The following SULF2 variants were observed in gnomAD, a reference collection of about 807,000 sequenced individuals.
SULF2 encodes extracellular sulfatase Sulf-2.
A neutral mutation model predicts 107.7 loss-of-function variants in SULF2; 52 were observed. The observed-to-expected ratio is 0.48, with a 90% CI of 0.39 to 0.61. SULF2 has a LOEUF of 0.61. Among genes scored for constraint, SULF2 ranks in the 20% least tolerant of loss-of-function variants. The probability of loss-of-function intolerance (pLI) is 0.00; values close to 1 mark genes in which losing one functional copy is unlikely to be tolerated. For missense variants in SULF2, 993 were observed against 1,177.3 expected (o/e 0.84, Z 2.29); for synonymous variants, 460 against 464.3 (o/e 0.99, Z 0.12).
chr20:47,684,719 A>G (rs2087942665), intron 5 of SULF2, 138 bp from the exon 6 acceptor site: 3 of 778,590 alleles, frequency 3.9e-6, no homozygotes, highest in Non-Finnish European at 6.0e-6. Context: ...TCCTGGTGGG[A>G]AAGGGGACAT....
chr20:47,740,726 T>C (rs572909243), intron 2 of SULF2, among the ~76,000 whole-genome samples: 2 of 152,180 alleles, frequency 1.3e-5, no homozygotes, highest in East Asian at 1.9e-4. Context: ...ATGATGAAAA[T>C]TGTGAGGGAA....
At chr20:47,670,204 GTTTTT>G (rs565415784) in intron 11 of SULF2, among the ~76,000 whole-genome samples, 1 of 151,730 alleles carries the variant, frequency 6.6e-6, no homozygotes, top group African/African-American at 2.4e-5. Context: ...GAGACTTTTT[GTTTTT>G]TTTGAGACAG....
chr20:47,730,864 C>T (rs1370610734), intron 3 of SULF2, among the ~76,000 whole-genome samples: 10 of 152,204 alleles, frequency 6.6e-5, no homozygotes, highest in African/African-American at 2.4e-4. Flanking sequence ...TTCTACCTGG[C>T]AGTCCAAGTG....
rs763941906 is a variant in SULF2 at position 47,684,478 on chromosome 20, G to A, written c.841C>T (p.Arg281Trp). The change falls in exon 6 of 21, where the codon CGG becomes TGG. Residue 281 changes from arginine (R) to tryptophan (W), a missense_variant. Arg to Trp is a moderately radical substitution (Grantham distance 101, BLOSUM62 -3). Around this residue, in one of 3 missense-constraint regions of SULF2, gnomAD observed 388 missense variants for 449.2 expected, o/e 0.86. Transcript: ENST00000688720. ...IHMEFTNMLQ[R>W]KRLQTLMSVD... ...GACATGAGGGTCTGCAAGCGCTTCC[G>A]CTGGAGCATGTTGGTGAATTCCATG... 4.3e-6 allele frequency: 7 copies of A among 1,613,758 alleles called. No individual in the cohort carries two copies. Among genetic ancestry groups the A allele is most frequent in the Middle Eastern group, 1.6e-4 (1 of 6,084 alleles).
At position 47,694,191 on chromosome 20, in the gene SULF2, C is replaced by T. The variant is rs2088297132; in HGVS notation, c.568-3896G>A. 6.6e-6 allele frequency among the ~76,000 whole-genome samples: 1 copy of T among 152,250 alleles called. No homozygotes were observed. Among genetic ancestry groups the T allele is most frequent in the Non-Finnish European group, 1.5e-5 (1 of 68,036 alleles). ...CCGGCCACAGGGCTTCAGCCATGCC[C>T]TGTTCTCTCTGAGGGAGAGAACAGG... On this transcript the variant is annotated intron_variant, in intron 4 of 20. Transcript: ENST00000688720. The surrounding 1 kb of genome is among the most constrained non-coding windows in gnomAD (Gnocchi z 4.4).
chr20:47,722,467 G>A (rs577209019), intron 3 of SULF2, among the ~76,000 whole-genome samples: 2 of 151,940 alleles, frequency 1.3e-5, no homozygotes, highest in Non-Finnish European at 2.9e-5. Context: ...TCTCTATGTT[G>A]CCCAGGCTGG....
chr20:47,687,637 CTA>C (rs564915515), intron 5 of SULF2, among the ~76,000 whole-genome samples: 154 of 151,358 alleles, frequency 1.0e-3, no homozygotes, highest in Non-Finnish European at 2.8e-4. Context: ...GTATCTCTGC[CTA>C]TGTCTTTGTT....
chr20:47,704,689 G>A (rs910140440), intron 3 of SULF2, among the ~76,000 whole-genome samples: 3 of 152,238 alleles, frequency 2.0e-5, no homozygotes, highest in East Asian at 1.9e-4. Context: ...AGGACACTGC[G>A]GTTCTGAAAT....
Position 47,666,613 on chromosome 20 carries a change from C to T in SULF2, c.1577-125G>A. On this transcript the variant is annotated intron_variant, in intron 11 of 20. Transcript: ENST00000688720. This position sits in a 1 kb window ranked among gnomAD's most constrained non-coding sequence, Gnocchi z 5.4. Reference sequence around the variant, plus strand: ...GCATGAGGCTCAGCTTTGCCTGCGACTCGAGGGGTCGTGGAATCTACCCGC... The same window carrying T: ...GCATGAGGCTCAGCTTTGCCTGCGATTCGAGGGGTCGTGGAATCTACCCGC... 1.3e-6 allele frequency: 1 copy of T among 750,636 alleles called. No individual in the cohort carries two copies. Among genetic ancestry groups the T allele is most frequent in the Non-Finnish European group, 2.2e-6 (1 of 462,898 alleles). 46.5% of individuals were successfully genotyped at this position (750,636 alleles called of 1,614,324 possible).
intron 3 of SULF2, among the ~76,000 whole-genome samples, chr20:47,735,419 T>C (rs543960030): frequency 6.6e-6 from 1 of 152,334 alleles, no homozygotes; most frequent in South Asian, 2.1e-4. Flanking sequence ...TCAAGGCTGG[T>C]CACTCTTGAG....
intron 4 of SULF2, among the ~76,000 whole-genome samples, chr20:47,700,637 C>CTTTTT (rs59966689): frequency 2.1e-4 from 26 of 126,204 alleles, no homozygotes; most frequent in Non-Finnish European, 2.6e-4. Flanking sequence ...GGTGCAACAT[C>CTTTTT]TTTTTTTTTT....
chr20:47,698,731 A>C (rs572766169), intron 4 of SULF2, among the ~76,000 whole-genome samples: 3 of 152,174 alleles, frequency 2.0e-5, no homozygotes, highest in Non-Finnish European at 4.4e-5. Flanking sequence ...AGTCTGATTA[A>C]AAAAAATTAC....
In SULF2 at chr20:47,708,228, G is replaced by C. The variant is rs150752208; in HGVS notation, c.416-5558C>G. ...TGATAGGACAGAGTGGCCCCACGCAGTGCTGTGAGAGGCCTCGCTGGGCTG... is the reference window on the plus strand; with the variant it reads ...TGATAGGACAGAGTGGCCCCACGCACTGCTGTGAGAGGCCTCGCTGGGCTG... On this transcript the variant is annotated intron_variant, in intron 3 of 20. Transcript: ENST00000688720. 2.5e-3 allele frequency among the ~76,000 whole-genome samples: 385 copies of C among 152,354 alleles called. 5 individuals carry two copies. The highest frequency in any genetic ancestry group is 7.2e-3 in the African/African-American group (300 of 41,574).
chr20:47,695,470 C>T (rs1251464524), intron 4 of SULF2, among the ~76,000 whole-genome samples: 1 of 152,184 alleles, frequency 6.6e-6, no homozygotes, highest in Non-Finnish European at 1.5e-5. Context: ...TGCCAACCAC[C>T]ATTCTCCTTT....
At chr20:47,684,655 C>T (rs1385277233) in intron 5 of SULF2, 74 bp from the exon 6 acceptor site, 9 of 1,506,900 alleles carry the variant, frequency 6.0e-6, no homozygotes, top group Non-Finnish European at 7.2e-6. Flanking sequence ...GCCAGACCCG[C>T]CCGGATGAGC....
chr20:47,764,451 C>CT (rs2090485365), intron 1 of SULF2, among the ~76,000 whole-genome samples: 1 of 152,232 alleles, frequency 6.6e-6, no homozygotes, highest in African/African-American at 2.4e-5. Flanking sequence ...TTCCCACCCC[C>CT]CCTTATATAT....
chr20:47,761,612 G>A (rs13039551), intron 1 of SULF2, among the ~76,000 whole-genome samples: 4,635 of 152,252 alleles, frequency 0.03, 91 homozygotes, highest in Middle Eastern at 0.048. Flanking sequence ...GTGCCCTCGC[G>A]CTCGCACTCT....
intron 3 of SULF2, among the ~76,000 whole-genome samples, chr20:47,710,058 C>T (rs750130719): frequency 4.4e-4 from 67 of 152,038 alleles, no homozygotes; most frequent in Admixed American, 1.2e-3. Context: ...TCCAACACCA[C>T]GCCCAGCTAA....
chr20:47,763,184 G>A (rs141081005), intron 1 of SULF2, among the ~76,000 whole-genome samples: 13 of 152,208 alleles, frequency 8.5e-5, no homozygotes, highest in African/African-American at 3.1e-4. Context: ...GGTCTCTCTG[G>A]CTCCTCCTCT....
Sources: gnomAD v4.1 joint callset for allele counts (sites outside exome capture counted in the v4.1 genomes callset) on GRCh38, gnomAD v4.1.1 for gene constraint, gnomAD v4.1.1 regional missense constraint, Gnocchi (gnomAD v3.1) non-coding constraint, MANE v1.5 for transcripts, NCBI Gene and HGNC (gene_info 2026-07-23, HGNC 2026-07-21) for gene names.